FRMPD1: variants seen among roughly 807,000 people sequenced by gnomAD.
FRMPD1 encodes FERM and PDZ domain containing 1.
FRMPD1 carries 76 observed loss-of-function variants against 117.8 expected under a neutral mutation model. The ratio of observed to expected loss-of-function variants is 0.65; its 90% CI spans 0.54 to 0.78. The LOEUF (loss-of-function observed/expected upper bound fraction) is 0.78, where lower values mean the gene tolerates loss of function less well. Among genes scored for constraint, FRMPD1 ranks in the 30% least tolerant of loss-of-function variants. FRMPD1 has a pLI of 0.00. For missense variants in FRMPD1, 1,786 were observed against 1,964.5 expected, an observed-to-expected ratio of 0.91 and a Z score of 1.72; for synonymous variants, 783 against 770.4, an observed-to-expected ratio of 1.02 and a Z score of -0.27.
At chr9:37,731,189 T>C (rs1352095683) in intron 9 of FRMPD1, 86 bp downstream of exon 9, 16 of 1,157,742 alleles carry the variant, frequency 1.4e-5, no homozygotes, top group Non-Finnish European at 1.8e-5. Context: ...CTCGAGGCCA[T>C]TAAACAACTC....
At chr9:37,634,107 A>T in the FRMPD1 span, among the ~76,000 whole-genome samples, 2 of 152,180 alleles carry the variant, frequency 1.3e-5, no homozygotes, top group Admixed American at 6.5e-5. Flanking sequence ...TAATTTATCA[A>T]TTTTAAACAT....
chr9:37,707,478 GAC>G lies in FRMPD1; in HGVS notation c.170_171del (p.Thr57SerfsTer18), dbSNP rs1563941353. The G allele has an allele frequency of 6.2e-7, 1 of 1,613,876 alleles. No homozygotes were observed. The highest frequency in any genetic ancestry group is 8.5e-7 in the Non-Finnish European group (1 of 1,179,856). On this transcript the variant is annotated frameshift_variant, in exon 3 of 16. Coordinates refer to ENST00000377765, the MANE Select transcript of FRMPD1 (RefSeq NM_014907.3). LOFTEE classifies it high-confidence loss of function. ...CCAACTCAGACCCTCATCCCTGTGC[GAC>G]ACACAGTAAAGATAGACAAAGACAC...
chr9:37,639,764 C>T, the FRMPD1 span, among the ~76,000 whole-genome samples: 2 of 152,262 alleles, frequency 1.3e-5, no homozygotes, highest in Admixed American at 1.3e-4. Flanking sequence ...GGGCTCAAGC[C>T]ATCCTCCCGC....
intron 10 of FRMPD1, among the ~76,000 whole-genome samples, chr9:37,733,069 C>G (rs1823961709): frequency 6.6e-6 from 1 of 152,192 alleles, no homozygotes; most frequent in African/African-American, 2.4e-5. Flanking sequence ...GATTTTGAAG[C>G]TGCTAGGCTG....
the FRMPD1 span, among the ~76,000 whole-genome samples, chr9:37,643,480 C>T: frequency 9.2e-5 from 14 of 152,110 alleles, no homozygotes; most frequent in East Asian, 3.9e-4. Context: ...TTACATTTTT[C>T]ATTTCCACAA....
the FRMPD1 span, among the ~76,000 whole-genome samples, chr9:37,629,734 G>T: frequency 6.6e-6 from 1 of 152,146 alleles, no homozygotes; most frequent in Non-Finnish European, 1.5e-5. Context: ...GACCTGGTGG[G>T]CCTGTATAAC....
intron 1 of FRMPD1, among the ~76,000 whole-genome samples, chr9:37,670,813 G>A (rs10973480): frequency 0.095 from 14,520 of 152,224 alleles, 986 homozygotes; most frequent in African/African-American, 0.19. Context: ...TAACTGCTTT[G>A]CAGCAGTTTG....
intron 5 of FRMPD1, among the ~76,000 whole-genome samples, chr9:37,718,862 A>G (rs754531049): frequency 2.0e-5 from 3 of 152,162 alleles, no homozygotes; most frequent in East Asian, 1.9e-4. Context: ...TGAATGTCCA[A>G]CTATTCTCAG....
At chr9:37,739,753 C>G (rs1588971979) in intron 14 of FRMPD1, among the ~76,000 whole-genome samples, 1 of 152,188 alleles carries the variant, frequency 6.6e-6, no homozygotes, top group Non-Finnish European at 1.5e-5. Flanking sequence ...CTTAGCAAAC[C>G]TGGGCAGTGC....
At chr9:37,721,527 G>A (rs1038129541) in intron 6 of FRMPD1, among the ~76,000 whole-genome samples, 1 of 152,206 alleles carries the variant, frequency 6.6e-6, no homozygotes, top group African/African-American at 2.4e-5. Flanking sequence ...CCCTGATGCT[G>A]AGAAAGTAAT....
chr9:37,642,089 A>G, the FRMPD1 span, among the ~76,000 whole-genome samples: 16 of 152,198 alleles, frequency 1.1e-4, no homozygotes, highest in South Asian at 6.2e-4. Flanking sequence ...GACAATCACC[A>G]TGGGAAATAT....
Position 37,733,795 on chromosome 9 carries a change from T to C in FRMPD1, c.1188T>C (p.Tyr396=). The C allele has an allele frequency of 5.0e-6, 8 of 1,596,738 alleles. No homozygotes were observed. Among genetic ancestry groups the C allele is most frequent in the South Asian group, 1.1e-5 (1 of 90,768 alleles). Residue 396 remains tyrosine, a synonymous_variant, in exon 12 of 16, where the codon TAT becomes TAC. Transcript: ENST00000377765. The part of the protein sequence containing the change: ...YLQILGELKT[Y]GGRIFNATLM... ...AGATCCTCGGAGAACTCAAGACATA[T>C]GGTGGAAGAATCTTTAATGCTACTT...
the FRMPD1 span, among the ~76,000 whole-genome samples, chr9:37,643,132 T>A: frequency 6.6e-6 from 1 of 152,222 alleles, no homozygotes; most frequent in Admixed American, 6.5e-5. Flanking sequence ...AGGTGTGTGT[T>A]TTAAAATTAA....
chr9:37,701,372 TG>T (rs1215925016), intron 2 of FRMPD1, among the ~76,000 whole-genome samples: 1 of 152,188 alleles, frequency 6.6e-6, no homozygotes, highest in African/African-American at 2.4e-5. Context: ...GACTTTGCAC[TG>T]GTCTGTAGGT....
intron 1 of FRMPD1, among the ~76,000 whole-genome samples, chr9:37,668,952 G>T (rs1821256756): frequency 6.6e-6 from 1 of 152,116 alleles, no homozygotes; most frequent in African/African-American, 2.4e-5. Context: ...CAAAATTGGG[G>T]GATCATAGGA....
At chr9:37,652,335 G>A (rs1187195767) in intron 1 of FRMPD1, among the ~76,000 whole-genome samples, 1 of 152,142 alleles carries the variant, frequency 6.6e-6, no homozygotes, top group African/African-American at 2.4e-5. Context: ...TCCAGGACTG[G>A]TGCATTCTGG....
At chr9:37,743,575 G>T in intron 15 of FRMPD1, among the ~76,000 whole-genome samples, 1 of 109,180 alleles carries the variant, frequency 9.2e-6, no homozygotes, top group African/African-American at 3.4e-5. Flanking sequence ...CTTTGGGTTT[G>T]GAATTCTGGA....
Position 37,733,710 on chromosome 9 carries a change from GTT to G in FRMPD1, c.1123-12_1123-11del. Reference sequence around the variant, plus strand: ...CCAATGAATAACTCTGACTTCAAGTGTTTTTTTTTCTCTATTAAGCAACTTAT... The same window carrying G: ...CCAATGAATAACTCTGACTTCAAGTGTTTTTTTCTCTATTAAGCAACTTAT... On this transcript the variant is annotated intron_variant, in intron 11 of 15. Coordinates refer to ENST00000377765, the MANE Select transcript of FRMPD1 (RefSeq NM_014907.3). 1 of 1,531,372 alleles carries G rather than the reference GTT, an allele frequency of 6.5e-7. No homozygotes were observed. The allele number at this position is 1,531,372 out of a possible 1,614,324, so 94.9% of individuals were successfully genotyped here.
At chr9:37,665,836 A>AGTATGTGGG (rs1821142944) in intron 1 of FRMPD1, among the ~76,000 whole-genome samples, 2 of 152,192 alleles carry the variant, frequency 1.3e-5, no homozygotes, top group South Asian at 2.1e-4. Flanking sequence ...GGACCCCAGC[A>AGTATGTGGG]GCCACATGTG....
Sources: allele counts gnomAD v4.1 joint callset (sites outside exome capture counted in the v4.1 genomes callset), GRCh38; gene constraint gnomAD v4.1.1; transcripts MANE v1.5; gene names NCBI Gene and HGNC (gene_info 2026-07-23, HGNC 2026-07-21).